Variants in KIRREL3 observed in about 807,000 individuals in gnomAD.
The protein encoded by KIRREL3 is kirre like nephrin family adhesion molecule 3.
In KIRREL3, 36 loss-of-function variants were observed where a neutral mutation model predicts 89.7. The ratio of observed to expected loss-of-function variants is 0.40; its 90% CI spans 0.31 to 0.53. The LOEUF (loss-of-function observed/expected upper bound fraction) is 0.53. Ranked by LOEUF, KIRREL3 falls within the 20% of genes least tolerant of loss-of-function variation. KIRREL3 has a pLI of 0.49. For missense variants in KIRREL3, 864 were observed against 1,056.6 expected, an observed-to-expected ratio of 0.82 and a Z score of 2.53; for synonymous variants, 445 against 441.4, an observed-to-expected ratio of 1.01 and a Z score of -0.10.
intron 2 of KIRREL3, among the ~76,000 whole-genome samples, chr11:126,539,663 G>A (rs1938198551): frequency 6.6e-6 from 1 of 152,190 alleles, no homozygotes; most frequent in Admixed American, 6.5e-5. Context: ...AGGAGGAGAA[G>A]CGCGCTTGAG....
At position 126,650,157 on chromosome 11, in the gene KIRREL3, G is replaced by A. The variant is rs574874647; in HGVS notation, c.56-87245C>T. 3.9e-5 allele frequency among the ~76,000 whole-genome samples: 6 copies of A among 152,332 alleles called. No homozygotes were observed. In the South Asian group the frequency reaches 1.2e-3, roughly 32 times the overall value. On this transcript the variant is annotated intron_variant, in intron 1 of 16. Coordinates refer to ENST00000525144, the MANE Select transcript of KIRREL3 (RefSeq NM_032531.4). ...AGGCTGCACACAGCGTGGGGACCCT[G>A]GGCCCGTCCCATGAAACCATTTTCT... is the stretch of plus-strand genomic sequence containing the variant.
Position 126,635,254 on chromosome 11 carries a change from G to C in KIRREL3, c.56-72342C>G, listed in dbSNP as rs1173979282. 6.6e-6 allele frequency among the ~76,000 whole-genome samples: 1 copy of C among 152,192 alleles called. No individual in the cohort carries two copies. The highest frequency in any genetic ancestry group is 6.5e-5 in the Admixed American group (1 of 15,278). On this transcript the variant is annotated intron_variant, in intron 1 of 16. Coordinates refer to ENST00000525144, the MANE Select transcript of KIRREL3 (RefSeq NM_032531.4). This position sits in a 1 kb window ranked among gnomAD's most constrained non-coding sequence, Gnocchi z 4.0. ...GCTTCCCTTCTAAATCCACTCATGG[G>C]GGGTGCCAGGTGCTTCCCTCCAAGG...
intron 1 of KIRREL3, among the ~76,000 whole-genome samples, chr11:126,613,569 A>G (rs1943219130): frequency 6.6e-6 from 1 of 151,702 alleles, no homozygotes; most frequent in Non-Finnish European, 1.5e-5. Flanking sequence ...ATTTTTTCCC[A>G]TTTATTTTGT....
chr11:126,836,377 A>G (rs2134505917), intron 1 of KIRREL3, among the ~76,000 whole-genome samples: 1 of 152,314 alleles, frequency 6.6e-6, no homozygotes. Context: ...CCTGACTCCA[A>G]TGAAGCCTTG....
chr11:126,450,741 G>C lies in KIRREL3; in HGVS notation c.849-1584C>G, dbSNP rs1956043695. ...TGCATGTGTGAATGTGGGCATGTGT[G>C]AGTGTGGGCATGTATGACTGTGTGC... On this transcript the variant is annotated intron_variant, in intron 7 of 16. Coordinates refer to ENST00000525144, the MANE Select transcript of KIRREL3 (RefSeq NM_032531.4). Among the ~76,000 whole-genome samples the C allele has an allele frequency of 2.0e-5, 3 of 151,566 alleles. No individual in the cohort carries two copies. The South Asian group carries it at 6.2e-4, about 32-fold the overall frequency.
intron 5 of KIRREL3, among the ~76,000 whole-genome samples, chr11:126,467,738 G>A (rs1461197918): frequency 6.6e-6 from 1 of 152,148 alleles, no homozygotes; most frequent in Non-Finnish European, 1.5e-5. Context: ...TGTGGGCCAG[G>A]TGGAGGATGC....
chr11:126,725,747 G>C (rs113686058), intron 1 of KIRREL3, among the ~76,000 whole-genome samples: 11,462 of 152,186 alleles, frequency 0.075, 664 homozygotes, highest in African/African-American at 0.16. Flanking sequence ...GAGCTCTGTG[G>C]CCTGGGTCCA....
chr11:126,849,498 T>C (rs7126984), intron 1 of KIRREL3, among the ~76,000 whole-genome samples: 152,112 of 152,272 alleles, frequency 1, 75,976 homozygotes, highest in Middle Eastern at 1. Context: ...CTCTCTGGAT[T>C]GAGGCCCCTT....
At chr11:126,470,733 C>T (rs1047566113) in intron 5 of KIRREL3, among the ~76,000 whole-genome samples, 5 of 152,228 alleles carry the variant, frequency 3.3e-5, no homozygotes, top group African/African-American at 9.6e-5. Context: ...CTTGGGGGAC[C>T]GGCTTGCCCT....
chr11:126,912,449 T>G lies in KIRREL3; in HGVS notation c.55+88006A>C, dbSNP rs1477956235. On this transcript the variant is annotated intron_variant, in intron 1 of 16. Transcript: ENST00000525144. The surrounding 1 kb of genome is among the most constrained non-coding windows in gnomAD (Gnocchi z 4.7). ...TTCCATCTCACATTCCTCCAGCTGG[T>G]TCAGCACTTCCGATGGCTCCAGTCC... Among the ~76,000 whole-genome samples the G allele has an allele frequency of 6.6e-6, 1 of 152,138 alleles. No individual in the cohort carries two copies. The highest frequency in any genetic ancestry group is 6.5e-5 in the Admixed American group (1 of 15,278).
At chr11:126,702,490 C>A (rs932301279) in intron 1 of KIRREL3, among the ~76,000 whole-genome samples, 2 of 152,190 alleles carry the variant, frequency 1.3e-5, no homozygotes, top group Non-Finnish European at 1.5e-5. Flanking sequence ...GAGAGGCTGA[C>A]GTCAGGGAGA....
intron 7 of KIRREL3, among the ~76,000 whole-genome samples, chr11:126,452,468 G>T (rs934856936): frequency 6.6e-6 from 1 of 152,248 alleles, no homozygotes; most frequent in African/African-American, 2.4e-5. Flanking sequence ...GGGCTGGGAA[G>T]GCAGGGAGCC....
rs1950138800 is a variant in KIRREL3 at position 126,995,019 on chromosome 11, A to G, written c.55+5436T>C. ...ATGGAACAGTACTGTGTCTCGGTGC[A>G]GTCGATTCTCACATCATTCCTCTAA... On this transcript the variant is annotated intron_variant, in intron 1 of 16. Transcript: ENST00000525144. This position sits in a 1 kb window ranked among gnomAD's most constrained non-coding sequence, Gnocchi z 6.5. The G allele has an allele frequency of 5.5e-6, 2 of 364,616 alleles. No homozygotes were observed. The highest frequency in any genetic ancestry group is 2.1e-5 in the African/African-American group (1 of 46,930). 22.6% of individuals were successfully genotyped at this position (364,616 alleles called of 1,614,324 possible).
rs1950293572 is a variant in KIRREL3, at chr11:126,780,395, AG to A, written c.56-217484del. ...CCAGCTATTCGTGGGGAAGCCTGAC[AG>A]GGTTTCTTTTAACTTAATGTTTGCT... On this transcript the variant is annotated intron_variant, in intron 1 of 16. Transcript: ENST00000525144. This position sits in a 1 kb window ranked among gnomAD's most constrained non-coding sequence, Gnocchi z 5.3. Among the ~76,000 whole-genome samples, 1 of 152,200 alleles carries A rather than the reference AG, an allele frequency of 6.6e-6. No individual in the cohort carries two copies. Among genetic ancestry groups the A allele is most frequent in the South Asian group, 2.1e-4 (1 of 4,828 alleles).
chr11:126,689,042 A>AAGAGAGAGAG lies in KIRREL3; in HGVS notation c.56-126140_56-126131dup, dbSNP rs58257040. Among the ~76,000 whole-genome samples the AAGAGAGAGAG allele has an allele frequency of 2.4e-3, 317 of 129,810 alleles. 4 individuals carry two copies. The highest frequency in any genetic ancestry group is 0.013 in the East Asian group (57 of 4,340). 85.2% of individuals were successfully genotyped at this position (129,810 alleles called of 152,430 possible). ...ATGTGTGTGTGTGTAAGGGGGAGAG[A>AAGAGAGAGAG]AGAGAGAGAGAGAGAGAGAGAGAGA... On this transcript the variant is annotated intron_variant, in intron 1 of 16. Coordinates refer to ENST00000525144, the MANE Select transcript of KIRREL3 (RefSeq NM_032531.4). The surrounding 1 kb of genome is among the most constrained non-coding windows in gnomAD (Gnocchi z 5.2).
At chr11:126,834,164 C>A (rs1391089876) in intron 1 of KIRREL3, among the ~76,000 whole-genome samples, 1 of 152,164 alleles carries the variant, frequency 6.6e-6, no homozygotes, top group African/African-American at 2.4e-5. Flanking sequence ...TTGAGGTTCG[C>A]CTCTAGTTCC....
At chr11:126,882,365 C>T (rs1945537215) in intron 1 of KIRREL3, among the ~76,000 whole-genome samples, 2 of 152,194 alleles carry the variant, frequency 1.3e-5, no homozygotes, top group African/African-American at 4.8e-5. Flanking sequence ...TGCTGAACCT[C>T]CTCTTTCTAT....
At position 126,615,076 on chromosome 11, in the gene KIRREL3, TG is replaced by T. The variant is rs903942303; in HGVS notation, c.56-52165del. 1.4e-4 allele frequency among the ~76,000 whole-genome samples: 22 copies of T among 152,030 alleles called. No homozygotes were observed. The highest frequency in any genetic ancestry group is 7.7e-4 in the East Asian group (4 of 5,174). ...GGGATTGGAGTGATTTGAGATGCTC[TG>T]GGGGGCTGAACTCAGGTCTGTGGGT... On this transcript the variant is annotated intron_variant, in intron 1 of 16. Coordinates refer to ENST00000525144, the MANE Select transcript of KIRREL3 (RefSeq NM_032531.4). The surrounding 1 kb of genome is among the most constrained non-coding windows in gnomAD (Gnocchi z 5.4).
intron 1 of KIRREL3, among the ~76,000 whole-genome samples, chr11:126,654,520 C>T (rs940081392): frequency 1.3e-4 from 20 of 152,016 alleles, no homozygotes; most frequent in African/African-American, 4.1e-4. Context: ...GAAGAAACTA[C>T]GGGTAACAGT....
Sources: allele counts gnomAD v4.1 joint callset (sites outside exome capture counted in the v4.1 genomes callset), GRCh38; gene constraint gnomAD v4.1.1; non-coding constraint Gnocchi (gnomAD v3.1); transcripts MANE v1.5; gene names NCBI Gene and HGNC (gene_info 2026-07-23, HGNC 2026-07-21).